Variants in GOLGA3 observed in about 807,000 individuals in gnomAD.
GOLGA3 encodes the protein golgin subfamily A member 3.
GOLGA3 carries 75 observed loss-of-function variants against 169.4 expected under a neutral mutation model. The ratio of observed to expected loss-of-function variants is 0.44; its 90% CI spans 0.37 to 0.54. The LOEUF is 0.54. Ranked by LOEUF, GOLGA3 falls within the 20% of genes least tolerant of loss-of-function variation. The pLI, the probability that GOLGA3 is intolerant of heterozygous loss-of-function variation, is 0.00. For missense variants in GOLGA3, 1,899 were observed against 1,930.0 expected (o/e 0.98, Z 0.30); for synonymous variants, 824 against 822.4 (o/e 1.00, Z -0.03).
intron 6 of GOLGA3, 64 bp from the exon 7 acceptor site, chr12:132,805,086 A>G (rs1354726480): frequency 1.3e-6 from 2 of 1,528,070 alleles, no homozygotes; most frequent in African/African-American, 2.7e-5. Context: ...CAGTGTATTA[A>G]CAGGAACACA....
At chr12:132,789,870 A>G (rs2046131348) in intron 12 of GOLGA3, among the ~76,000 whole-genome samples, 1 of 152,004 alleles carries the variant, frequency 6.6e-6, no homozygotes, top group Non-Finnish European at 1.5e-5. Context: ...CATCTCTACT[A>G]AAAATACAAA....
intron 9 of GOLGA3, 64 bp from the exon 10 acceptor site, chr12:132,796,764 CCCCG>C: frequency 6.6e-7 from 1 of 1,508,328 alleles, no homozygotes; most frequent in Non-Finnish European, 9.1e-7. Flanking sequence ...CAGCCGGTGG[CCCCG>C]TGCTCTGCAG....
chr12:132,802,807 G>A (rs1252750353), intron 7 of GOLGA3, among the ~76,000 whole-genome samples: 1 of 152,104 alleles, frequency 6.6e-6, no homozygotes, highest in African/African-American at 2.4e-5. Context: ...TGTAATCCCA[G>A]CACTTTGGGA....
intron 13 of GOLGA3, 65 bp from the exon 14 acceptor site, chr12:132,786,852 C>G (rs1031240293): frequency 8.8e-7 from 1 of 1,142,444 alleles, no homozygotes. Context: ...CCCTTCCTGG[C>G]TCCAGCCCAT....
intron 18 of GOLGA3, among the ~76,000 whole-genome samples, chr12:132,780,103 ACG>A (rs2045500436): frequency 1.1e-5 from 1 of 95,066 alleles, no homozygotes; most frequent in African/African-American, 4.2e-5. Context: ...TCACACTTGC[ACG>A]CACAGCCCCC....
At chr12:132,819,530 A>G (rs910711991) in intron 2 of GOLGA3, among the ~76,000 whole-genome samples, 3 of 152,226 alleles carry the variant, frequency 2.0e-5, no homozygotes, top group Non-Finnish European at 4.4e-5. Context: ...CTCCGTCTCA[A>G]AAAAAGAAAA....
intron 18 of GOLGA3, among the ~76,000 whole-genome samples, chr12:132,780,342 G>T (rs896827138): frequency 1.3e-5 from 2 of 152,194 alleles, no homozygotes; most frequent in African/African-American, 4.8e-5. Context: ...AGGGCACCTG[G>T]GGGTCAGGAT....
At position 132,773,219 on chromosome 12, in the gene GOLGA3, C is replaced by T. The variant is rs1451379620; in HGVS notation, c.4383G>A (p.Thr1461=). 30 of 1,573,124 alleles carry T rather than the reference C, an allele frequency of 1.9e-5. No individual in the cohort carries two copies. Among genetic ancestry groups the T allele is most frequent in the Middle Eastern group, 1.7e-4 (1 of 5,932 alleles). ...LTVHESLSSW[T]PLEPATASPV... is the part of the protein sequence containing the mutation. The stretch of plus-strand genomic sequence containing the variant: ...GGCTGGCAGTGGCTGGCTCCAGCGG[C>T]GTCCACGAGGACAGAGACTCGTGCA... Residue 1461 remains threonine (T), a synonymous_variant, in exon 24 of 24, where the codon ACG becomes ACA. Transcript: ENST00000450791.
chr12:132,808,625 G>A (rs1593346620), intron 4 of GOLGA3, 76 bp from the exon 5 acceptor site: 2 of 1,171,786 alleles, frequency 1.7e-6, no homozygotes, highest in African/African-American at 1.5e-5. Context: ...ATTCAGAAAG[G>A]TGGCACCGAT....
At chr12:132,805,047 T>C in intron 6 of GOLGA3, 25 bp from the exon 7 acceptor site, 2 of 1,594,302 alleles carry the variant, frequency 1.3e-6, no homozygotes, top group Non-Finnish European at 1.7e-6. Flanking sequence ...ACAACCACAA[T>C]GATTTTAAGA....
At chr12:132,775,044 C>T (rs973109654) in intron 22 of GOLGA3, 97 bp downstream of exon 22, 10 of 1,073,724 alleles carry the variant, frequency 9.3e-6, no homozygotes, top group African/African-American at 3.2e-5. Context: ...TCAACAAATC[C>T]GTTTATGTCT....
At chr12:132,824,309 T>C (rs1190870800) in intron 1 of GOLGA3, among the ~76,000 whole-genome samples, 1 of 152,210 alleles carries the variant, frequency 6.6e-6, no homozygotes, top group African/African-American at 2.4e-5. Flanking sequence ...TGTGAGTATC[T>C]GCTCATAACT....
At position 132,796,076 on chromosome 12, in the gene GOLGA3, C is replaced by A; in HGVS notation, c.2245G>T (p.Glu749Ter). 2 of 1,613,068 alleles carry A rather than the reference C, an allele frequency of 1.2e-6. No individual in the cohort carries two copies. Among genetic ancestry groups the A allele is most frequent in the South Asian group, 2.2e-5 (2 of 91,084 alleles). Reference protein sequence around the residue: ...SLDALQTHYDELQARLGELQG... With the variant: ...SLDALQTHYD ...AGCTCCCCCAGCCTGGCCTGCAGCTCATCGTAGTGTGTCTGCAGGGCATCG... is the reference window on the plus strand; with the variant it reads ...AGCTCCCCCAGCCTGGCCTGCAGCTAATCGTAGTGTGTCTGCAGGGCATCG... The change falls in exon 11 of 24, where the codon GAG becomes TAG. Residue 749 changes from glutamate to a stop codon, truncating the protein, a stop_gained. Coordinates refer to ENST00000450791, the MANE Select transcript of GOLGA3 (RefSeq NM_001389683.1). LOFTEE classifies it high-confidence loss of function.
intron 23 of GOLGA3, among the ~76,000 whole-genome samples, 198 bp from the exon 24 acceptor site, chr12:132,773,492 CA>C (rs1423365407): frequency 1.3e-5 from 2 of 152,244 alleles, no homozygotes; most frequent in Non-Finnish European, 2.9e-5. Context: ...GCTCAAGGAC[CA>C]GTCCTGACCA....
chr12:132,822,076 C>T lies in GOLGA3; in HGVS notation c.53G>A (p.Ser18Asn), dbSNP rs1950246467. 6.2e-7 allele frequency: 1 copy of T among 1,607,396 alleles called. No homozygotes were observed. The highest frequency in any genetic ancestry group is 8.5e-7 in the Non-Finnish European group (1 of 1,177,632). Residue 18 changes from serine to asparagine, a missense_variant, in exon 2 of 24, where the codon AGT (serine) becomes AAT (asparagine). Ser to Asn is a conservative substitution (Grantham distance 46). Transcript: ENST00000450791. ...GGCCTCGGGGAGAGACGAGGGGCCA[C>T]TGTGGGATCTGTCCTCCTGGAGGCC... ...QDGLQEDRSH[S>N]GPSSLPEAPL...
Position 132,821,920 on chromosome 12 carries a change from TCCTCCCTCAACACCA to T in GOLGA3, c.133+61_133+75del, listed in dbSNP as rs1189973758. 2.5e-5 allele frequency: 19 copies of T among 758,036 alleles called. No individual in the cohort carries two copies. The East Asian group carries it at 7.8e-4, about 31-fold the overall frequency. The allele number at this position is 758,036 out of a possible 1,614,324, so 47.0% of individuals were successfully genotyped here. ...AGCTCACAGTGGTCTCAACGCCACA[TCCTCCCTCAACACCA>T]CGTCCTCCCTCAACACCAGGTCCTC... On this transcript the variant is annotated intron_variant, in intron 2 of 23. Coordinates refer to ENST00000450791, the MANE Select transcript of GOLGA3 (RefSeq NM_001389683.1).
Position 132,822,034 on chromosome 12 carries a change from C to A in GOLGA3, c.95G>T (p.Gly32Val). Residue 32 changes from glycine to valine, a missense_variant, in exon 2 of 24, where the codon GGC (glycine) becomes GTC (valine). Coordinates refer to ENST00000450791, the MANE Select transcript of GOLGA3 (RefSeq NM_001389683.1). ...CTGCTGGTCAGGTGGCACCAGTGGG[C>A]CCGGGGGCTTCAGTGGGGCCTCGGG... ...SLPEAPLKPP[G>V]PLVPPDQQDK... 4 of 1,609,648 alleles carry A rather than the reference C, an allele frequency of 2.5e-6. No homozygotes were observed. Among genetic ancestry groups the A allele is most frequent in the Non-Finnish European group, 2.5e-6 (3 of 1,178,300 alleles).
intron 1 of GOLGA3, among the ~76,000 whole-genome samples, chr12:132,827,242 G>T (rs535082339): frequency 1.3e-5 from 2 of 152,218 alleles, no homozygotes; most frequent in Non-Finnish European, 2.9e-5. Context: ...AGAGTACCTG[G>T]TGGAGGCCAC....
At position 132,789,170 on chromosome 12, in the gene GOLGA3, C is replaced by T. The variant is rs2046091161; in HGVS notation, c.2668G>A (p.Val890Met). The T allele has an allele frequency of 6.2e-7, 1 of 1,612,182 alleles. No individual in the cohort carries two copies. The highest frequency in any genetic ancestry group is 1.7e-5 in the Admixed American group (1 of 60,004). ...TCGGCAGTCCGCTTCTCCCCGTGCA[C>T]TTGCATCAGCTCCTGCCGCAGCTCC... is the stretch of plus-strand genomic sequence containing the variant. Reference protein sequence around the residue: ...LKELRQELMQVHGEKRTAEAE... With the variant: ...LKELRQELMQMHGEKRTAEAE... Residue 890 changes from valine to methionine, a missense_variant, in exon 13 of 24, where the codon GTG becomes ATG. Transcript: ENST00000450791.
Sources: gnomAD v4.1 joint callset for allele counts (sites outside exome capture counted in the v4.1 genomes callset) on GRCh38, gnomAD v4.1.1 for gene constraint, MANE v1.5 for transcripts, NCBI Gene and HGNC (gene_info 2026-07-23, HGNC 2026-07-21) for gene names.